Variants in ADGRB3 observed in about 807,000 individuals in gnomAD.
The protein encoded by ADGRB3 is adhesion G protein-coupled receptor B3.
ADGRB3 carries 37 observed loss-of-function variants against 193.4 expected under a neutral mutation model. The ratio of observed to expected loss-of-function variants is 0.19; its 90% CI spans 0.15 to 0.25. ADGRB3 has a LOEUF of 0.25. Ranked by LOEUF, ADGRB3 falls within the 10% of genes least tolerant of loss-of-function variation. The pLI is 1.00. For synonymous variants in ADGRB3, 690 were observed against 644.2 expected, an observed-to-expected ratio of 1.07 and a Z score of -1.08; for missense variants, 1,637 against 1,852.9, an observed-to-expected ratio of 0.88 and a Z score of 2.14.
rs1665964230 is a variant in ADGRB3, at chr6:69,202,292, C to T, written c.2481-30998C>T. Among the ~76,000 whole-genome samples the T allele has an allele frequency of 1.3e-5, 2 of 152,066 alleles. 1 individual carries two copies. The highest frequency in any genetic ancestry group is 4.1e-4 in the South Asian group (2 of 4,828). ...AACTAATATTTAATTGAGAAGTTATCTATGGTATCTAGGAAGGGTTACTAA... is the reference window on the plus strand; with the variant it reads ...AACTAATATTTAATTGAGAAGTTATTTATGGTATCTAGGAAGGGTTACTAA... On this transcript the variant is annotated intron_variant, in intron 17 of 31. Transcript: ENST00000370598.
At chr6:69,331,172 A>C (rs1004286439) in intron 23 of ADGRB3, among the ~76,000 whole-genome samples, 1 of 152,178 alleles carries the variant, frequency 6.6e-6, no homozygotes, top group African/African-American at 2.4e-5. Context: ...CGGGGGGTCA[A>C]AATCATCTCT....
intron 13 of ADGRB3, among the ~76,000 whole-genome samples, chr6:69,026,186 A>G (rs1221293362): frequency 6.6e-6 from 1 of 152,210 alleles, no homozygotes; most frequent in Non-Finnish European, 1.5e-5. Context: ...ATGCCATCAA[A>G]CATGCCCAGT....
At chr6:68,822,407 A>G (rs1767763779) in intron 3 of ADGRB3, among the ~76,000 whole-genome samples, 2 of 151,846 alleles carry the variant, frequency 1.3e-5, no homozygotes. Context: ...GTGAGAATCT[A>G]TTTCTGTTTT....
At chr6:69,200,159 G>A (rs570980558) in intron 17 of ADGRB3, among the ~76,000 whole-genome samples, 5 of 151,750 alleles carry the variant, frequency 3.3e-5, no homozygotes, top group Non-Finnish European at 5.9e-5. Flanking sequence ...ACTCTATTGG[G>A]TCTGATATTC....
intron 3 of ADGRB3, among the ~76,000 whole-genome samples, chr6:68,846,868 T>C (rs758183230): frequency 6.6e-6 from 1 of 152,132 alleles, no homozygotes; most frequent in Non-Finnish European, 1.5e-5. Context: ...CCACCATCTG[T>C]CAGACCCCAG....
At chr6:68,905,058 T>G (rs1488414629) in intron 3 of ADGRB3, among the ~76,000 whole-genome samples, 1 of 152,204 alleles carries the variant, frequency 6.6e-6, no homozygotes, top group Non-Finnish European at 1.5e-5. Flanking sequence ...TGGCTCATAC[T>G]GGACAAAATC....
At chr6:69,300,747 A>C (rs1767933061) in intron 20 of ADGRB3, among the ~76,000 whole-genome samples, 1 of 151,836 alleles carries the variant, frequency 6.6e-6, no homozygotes, top group Admixed American at 6.6e-5. Flanking sequence ...ATGTCTAGGA[A>C]TACACTTAAA....
intron 4 of ADGRB3, among the ~76,000 whole-genome samples, chr6:68,934,105 G>T (rs1767421874): frequency 6.6e-6 from 1 of 152,156 alleles, no homozygotes; most frequent in Admixed American, 6.5e-5. Context: ...AGGGAAAAAA[G>T]AAGTATTTAG....
chr6:68,802,808 A>G (rs1340931633), intron 3 of ADGRB3, among the ~76,000 whole-genome samples: 1 of 152,180 alleles, frequency 6.6e-6, no homozygotes, highest in East Asian at 1.9e-4. Context: ...GTCTTCACCA[A>G]TCCAATCTTG....
chr6:69,161,517 C>G (rs1261915536), intron 17 of ADGRB3, among the ~76,000 whole-genome samples: 1 of 152,118 alleles, frequency 6.6e-6, no homozygotes. Context: ...TCTAAAATTT[C>G]TGATTCAGTA....
chr6:68,645,335 C>T (rs965554887), intron 3 of ADGRB3, among the ~76,000 whole-genome samples: 1 of 152,012 alleles, frequency 6.6e-6, no homozygotes, highest in African/African-American at 2.4e-5. Context: ...TAGGAAATGA[C>T]ATCATGTATG....
chr6:69,016,901 A>T (rs1770108631), intron 12 of ADGRB3, among the ~76,000 whole-genome samples: 1 of 151,926 alleles, frequency 6.6e-6, no homozygotes, highest in South Asian at 2.1e-4. Context: ...TGTATTTATT[A>T]CACTACACAT....
chr6:68,802,525 A>G (rs1482337512), intron 3 of ADGRB3, among the ~76,000 whole-genome samples: 4 of 152,170 alleles, frequency 2.6e-5, no homozygotes, highest in Admixed American at 2.6e-4. Flanking sequence ...TAAACTCAAT[A>G]TTTAATTTCT....
intron 20 of ADGRB3, among the ~76,000 whole-genome samples, chr6:69,246,151 C>A (rs1766494753): frequency 6.6e-6 from 1 of 152,004 alleles, no homozygotes; most frequent in African/African-American, 2.4e-5. Context: ...CTTTTTTCTT[C>A]ATAAGAATAT....
intron 13 of ADGRB3, among the ~76,000 whole-genome samples, chr6:69,025,113 A>T (rs80095094): frequency 0.017 from 2,627 of 151,726 alleles, 84 homozygotes; most frequent in African/African-American, 0.059. Context: ...AAAAAAATAA[A>T]AAATAATAAA....
At chr6:69,342,081 C>A (rs1008849207) in intron 26 of ADGRB3, among the ~76,000 whole-genome samples, 1 of 152,044 alleles carries the variant, frequency 6.6e-6, no homozygotes, top group African/African-American at 2.4e-5. Context: ...TCCCTCAGAA[C>A]TTTTTCGTAC....
At chr6:68,969,013 G>C (rs1165152123) in intron 8 of ADGRB3, among the ~76,000 whole-genome samples, 1 of 151,972 alleles carries the variant, frequency 6.6e-6, no homozygotes, top group Admixed American at 6.6e-5. Context: ...TTATTGGACA[G>C]TGCTGGTATG....
chr6:69,126,771 A>G (rs906032060), intron 17 of ADGRB3, among the ~76,000 whole-genome samples: 3 of 152,186 alleles, frequency 2.0e-5, no homozygotes, highest in African/African-American at 7.2e-5. Flanking sequence ...GACACCTAAA[A>G]TTAACCATCA....
chr6:69,086,958 T>A (rs1346195423), intron 17 of ADGRB3, among the ~76,000 whole-genome samples: 1 of 152,138 alleles, frequency 6.6e-6, no homozygotes, highest in African/African-American at 2.4e-5. Flanking sequence ...AGGCTTAGGC[T>A]TTTTTGTTAG....
Sources: gnomAD v4.1 joint callset for allele counts (sites outside exome capture counted in the v4.1 genomes callset) on GRCh38, gnomAD v4.1.1 for gene constraint, MANE v1.5 for transcripts, NCBI Gene and HGNC (gene_info 2026-07-23, HGNC 2026-07-21) for gene names.